PDE11A: variants seen among roughly 807,000 people sequenced by gnomAD.
PDE11A encodes the protein dual 3',5'-cyclic-AMP and -GMP phosphodiesterase 11A.
A neutral mutation model predicts 100.5 loss-of-function variants in PDE11A; 100 were observed. The observed-to-expected ratio is 1.00, with a 90% CI of 0.85 to 1.18. The LOEUF is 1.18. PDE11A is among the 50% of genes most tolerant of loss of function. The probability of loss-of-function intolerance (pLI) is 0.00; values close to 1 mark genes in which losing one functional copy is unlikely to be tolerated. For missense variants in PDE11A, 1,141 were observed against 1,152.6 expected (o/e 0.99, Z 0.15); for synonymous variants, 381 against 420.8 (o/e 0.91, Z 1.16).
upstream of PDE11A, among the ~76,000 whole-genome samples, chr2:178,074,053 T>C (rs2087172560): frequency 6.6e-6 from 1 of 152,160 alleles, no homozygotes; most frequent in African/African-American, 2.4e-5. Flanking sequence ...TAAAATGGAA[T>C]AAAGCACTGA....
chr2:177,789,627 T>C (rs1205557349), intron 9 of PDE11A, among the ~76,000 whole-genome samples: 1 of 152,028 alleles, frequency 6.6e-6, no homozygotes, highest in East Asian at 1.9e-4. Flanking sequence ...CATGATTGTA[T>C]ATCTAGAAAA....
chr2:177,744,582 T>C (rs1040261590), intron 10 of PDE11A, among the ~76,000 whole-genome samples: 1 of 152,162 alleles, frequency 6.6e-6, no homozygotes, highest in Non-Finnish European at 1.5e-5. Context: ...AGTCTCTTAA[T>C]GAGGATAATT....
chr2:177,792,794 C>T (rs1016910619), intron 9 of PDE11A, among the ~76,000 whole-genome samples: 5 of 152,110 alleles, frequency 3.3e-5, no homozygotes, highest in African/African-American at 4.8e-5. Context: ...TGGGATGTAC[C>T]GATGAATGAA....
chr2:177,910,787 T>C (rs1333627199), intron 2 of PDE11A, among the ~76,000 whole-genome samples: 1 of 152,224 alleles, frequency 6.6e-6, no homozygotes, highest in Non-Finnish European at 1.5e-5. Context: ...CTGGGCCTTC[T>C]ATCAATGTAC....
chr2:178,100,625 C>A (rs1194964272), intron 2 of PDE11A, among the ~76,000 whole-genome samples: 1 of 152,120 alleles, frequency 6.6e-6, no homozygotes, highest in Non-Finnish European at 1.5e-5. Context: ...ATCAGCAGAA[C>A]TAACAAACAA....
intron 3 of PDE11A, among the ~76,000 whole-genome samples, chr2:177,903,841 T>C (rs2084736028): frequency 6.6e-6 from 1 of 152,060 alleles, no homozygotes; most frequent in Non-Finnish European, 1.5e-5. Context: ...ATGAAACAGA[T>C]TGTTTGCTGG....
chr2:177,737,763 C>T (rs1369881964), intron 10 of PDE11A, among the ~76,000 whole-genome samples: 2 of 152,138 alleles, frequency 1.3e-5, no homozygotes, highest in African/African-American at 4.8e-5. Flanking sequence ...TAACGATGTC[C>T]ATCATTAATA....
rs142057587 is a variant in PDE11A at position 178,032,696 on chromosome 2, G to A, written c.913-18236C>T. 4.0e-3 allele frequency among the ~76,000 whole-genome samples: 602 copies of A among 152,284 alleles called. 2 individuals are homozygous for A. Among genetic ancestry groups the A allele is most frequent in the Middle Eastern group, 0.02 (6 of 294 alleles). On this transcript the variant is annotated intron_variant, in intron 1 of 19. Coordinates refer to ENST00000286063, the MANE Select transcript of PDE11A (RefSeq NM_016953.4). ...GCCTCCCTAGAATGAAGCTTCCAGAGGAAGGAGCAGGCAGCAGTCTTTGCT... is the reference window on the plus strand; with the variant it reads ...GCCTCCCTAGAATGAAGCTTCCAGAAGAAGGAGCAGGCAGCAGTCTTTGCT...
At chr2:177,949,589 C>T (rs1033003480) in intron 2 of PDE11A, among the ~76,000 whole-genome samples, 1 of 152,168 alleles carries the variant, frequency 6.6e-6, no homozygotes, top group Non-Finnish European at 1.5e-5. Context: ...TAATACTTCT[C>T]ACATCATGTG....
intron 2 of PDE11A, among the ~76,000 whole-genome samples, chr2:177,960,682 C>T (rs939927456): frequency 1.3e-5 from 2 of 152,062 alleles, no homozygotes; most frequent in African/African-American, 4.8e-5. Context: ...AAATGAAGCA[C>T]ATGAAAACAA....
At chr2:178,046,108 C>T (rs2086747601) in intron 1 of PDE11A, among the ~76,000 whole-genome samples, 1 of 152,312 alleles carries the variant, frequency 6.6e-6, no homozygotes, top group Admixed American at 6.5e-5. Flanking sequence ...GTGTCTATCT[C>T]ATAGAACCTT....
chr2:177,712,877 G>GA (rs1553540303), intron 12 of PDE11A, among the ~76,000 whole-genome samples: 1 of 152,026 alleles, frequency 6.6e-6, no homozygotes, highest in Non-Finnish European at 1.5e-5. Context: ...CTTTTCATGT[G>GA]TTTTTTTCCA....
chr2:178,063,001 T>G lies in PDE11A; in HGVS notation c.912+8525A>C, dbSNP rs760419502. On this transcript the variant is annotated intron_variant, in intron 1 of 19. Coordinates refer to ENST00000286063, the MANE Select transcript of PDE11A (RefSeq NM_016953.4). ...ATTCTTTAATGCCAGCTGCTAGAAT[T>G]GATTTAGTTTGCAAGTGCTTGAGCC... 3.3e-5 allele frequency among the ~76,000 whole-genome samples: 5 copies of G among 152,356 alleles called. No individual in the cohort carries two copies. The South Asian group carries it at 1.0e-3, about 32-fold the overall frequency.
At position 177,866,058 on chromosome 2, in the gene PDE11A, T is replaced by G. The variant is rs115415173; in HGVS notation, c.1367+9801A>C. Among the ~76,000 whole-genome samples the G allele has an allele frequency of 7.2e-3, 1,104 of 152,326 alleles. 13 individuals are homozygous for G. Among genetic ancestry groups the G allele is most frequent in the African/African-American group, 0.025 (1,028 of 41,574 alleles). On this transcript the variant is annotated intron_variant, in intron 5 of 19. Transcript: ENST00000286063. ...TAAAGATAAGAATAATTAGCATAAA[T>G]ATGATAATTACGCTGCCAAGTAAGA...
intron 2 of PDE11A, among the ~76,000 whole-genome samples, chr2:178,079,496 T>C (rs1259667606): frequency 1.3e-5 from 2 of 152,234 alleles, no homozygotes; most frequent in East Asian, 3.8e-4. Context: ...CTGCATAGTA[T>C]TTCATGGTGC....
intron 10 of PDE11A, among the ~76,000 whole-genome samples, chr2:177,753,532 A>G (rs1197386298): frequency 6.6e-6 from 1 of 151,706 alleles, no homozygotes; most frequent in African/African-American, 2.4e-5. Flanking sequence ...CTTTTTTCTG[A>G]GGAAGAAAAA....
chr2:177,870,624 T>C (rs1392468557), intron 5 of PDE11A, among the ~76,000 whole-genome samples: 4 of 152,230 alleles, frequency 2.6e-5, no homozygotes, highest in Non-Finnish European at 5.9e-5. Context: ...TTCCTGGTAA[T>C]CTACTTGCAA....
At chr2:177,833,147 C>T (rs1454717206) in intron 6 of PDE11A, among the ~76,000 whole-genome samples, 1 of 152,094 alleles carries the variant, frequency 6.6e-6, no homozygotes, top group African/African-American at 2.4e-5. Flanking sequence ...GATTTGCCAC[C>T]ACTAACACAG....
At chr2:177,724,601 C>T (rs756249739) in intron 12 of PDE11A, among the ~76,000 whole-genome samples, 7 of 152,070 alleles carry the variant, frequency 4.6e-5, no homozygotes, top group Non-Finnish European at 7.4e-5. Context: ...TAAGGTCACA[C>T]GGAGAACACT....
Sources: gnomAD v4.1 joint callset for allele counts (sites outside exome capture counted in the v4.1 genomes callset) on GRCh38, gnomAD v4.1.1 for gene constraint, MANE v1.5 for transcripts, NCBI Gene and HGNC (gene_info 2026-07-23, HGNC 2026-07-21) for gene names.